The following FER1L6 variants were observed in gnomAD, a reference collection of about 807,000 sequenced individuals.
FER1L6 encodes the protein fer-1-like protein 6.
In FER1L6, 177 loss-of-function variants were observed where a neutral mutation model predicts 219.2. That is an observed-to-expected ratio of 0.81 (90% CI 0.71 to 0.91). The LOEUF (loss-of-function observed/expected upper bound fraction) is 0.91. Ranked by LOEUF, FER1L6 falls within the 40% of genes least tolerant of loss-of-function variation. The pLI, the probability that FER1L6 is intolerant of heterozygous loss-of-function variation, is 0.00. For synonymous variants in FER1L6, 768 were observed against 824.3 expected, an observed-to-expected ratio of 0.93 and a Z score of 1.17; for missense variants, 2,153 against 2,259.9, an observed-to-expected ratio of 0.95 and a Z score of 0.96.
In FER1L6 at chr8:124,023,711, G is replaced by A. The variant is rs1201523787; in HGVS notation, c.2286+115G>A. 3 of 1,104,820 alleles carry A rather than the reference G, an allele frequency of 2.7e-6. No homozygotes were observed. The African/African-American group carries it at 4.7e-5, about 17-fold the overall frequency. 68.4% of individuals were successfully genotyped at this position (1,104,820 alleles called of 1,614,324 possible). Reference sequence around the variant, plus strand: ...CATTCCCCAGTGCTTTCAAAGGTAGGAGGACAACTAGAACACCTTGGTGCC... The same window carrying A: ...CATTCCCCAGTGCTTTCAAAGGTAGAAGGACAACTAGAACACCTTGGTGCC... On this transcript the variant is annotated intron_variant, in intron 18 of 40. Coordinates refer to ENST00000522917, the MANE Select transcript of FER1L6 (RefSeq NM_001039112.2).
chr8:123,914,137 T>C (rs1813119550), intron 1 of FER1L6, among the ~76,000 whole-genome samples: 1 of 152,234 alleles, frequency 6.6e-6, no homozygotes, highest in African/African-American at 2.4e-5. Context: ...ATTTCAAATG[T>C]TCAGTAGTCA....
chr8:124,058,191 G>A (rs867967673), intron 22 of FER1L6, among the ~76,000 whole-genome samples: 3 of 152,166 alleles, frequency 2.0e-5, no homozygotes, highest in South Asian at 4.1e-4. Context: ...GATGGGCAGG[G>A]CTGGGACTAG....
rs570371355 is a variant in FER1L6 at position 123,932,140 on chromosome 8, G to A, written c.-7-23852G>A. ...ATTATTATTTTTGAGATGGAGTCTC[G>A]CTCTATAGCCCAGGCTGGAGTGCAG... On this transcript the variant is annotated intron_variant, in intron 1 of 40. Transcript: ENST00000522917. Among the ~76,000 whole-genome samples the A allele has an allele frequency of 2.6e-5, 4 of 152,032 alleles. No individual in the cohort carries two copies. The South Asian group carries it at 6.2e-4, about 24-fold the overall frequency.
intron 39 of FER1L6, among the ~76,000 whole-genome samples, chr8:124,115,103 A>G (rs1823188773): frequency 6.6e-6 from 1 of 151,472 alleles, no homozygotes; most frequent in Non-Finnish European, 1.5e-5. Context: ...TTCTGTAGGC[A>G]TGGTGCAGTT....
intron 33 of FER1L6, among the ~76,000 whole-genome samples, chr8:124,090,750 A>G (rs1397707307): frequency 1.3e-5 from 2 of 152,180 alleles, no homozygotes; most frequent in Non-Finnish European, 2.9e-5. Flanking sequence ...AGGAAAGAAT[A>G]GGTTGGGGAG....
At chr8:124,043,575 C>T (rs544996443) in intron 20 of FER1L6, among the ~76,000 whole-genome samples, 5 of 152,300 alleles carry the variant, frequency 3.3e-5, no homozygotes, top group Admixed American at 1.3e-4. Context: ...ATCCCTATTT[C>T]ACAGATAAAG....
intron 2 of FER1L6, among the ~76,000 whole-genome samples, chr8:123,962,368 A>G (rs1269536116): frequency 6.6e-6 from 1 of 152,164 alleles, no homozygotes; most frequent in Non-Finnish European, 1.5e-5. Context: ...GCTGCTAGAG[A>G]AAAAGAAAAA....
intron 32 of FER1L6, among the ~76,000 whole-genome samples, chr8:124,080,070 A>G (rs2130905515): frequency 6.6e-6 from 1 of 152,300 alleles, no homozygotes; most frequent in South Asian, 2.1e-4. Flanking sequence ...GTAGACACAT[A>G]ATAAATGCTG....
chr8:123,995,563 T>A (rs1299493213), intron 12 of FER1L6, among the ~76,000 whole-genome samples: 4 of 152,170 alleles, frequency 2.6e-5, no homozygotes, highest in Admixed American at 6.5e-5. Flanking sequence ...TCTTCTCTTT[T>A]TTTTTAGTCT....
At chr8:124,103,453 T>G in intron 39 of FER1L6, 144 bp downstream of exon 39, 1 of 739,310 alleles carries the variant, frequency 1.4e-6, no homozygotes, top group South Asian at 2.1e-5. Context: ...GAAGCAAGAA[T>G]TTTTAAAGCT....
intron 1 of FER1L6, among the ~76,000 whole-genome samples, chr8:123,878,976 G>T (rs1817059193): frequency 6.6e-6 from 1 of 152,186 alleles, no homozygotes; most frequent in South Asian, 2.1e-4. Context: ...ATTAGCAAAT[G>T]TTTAAGCACT....
At chr8:123,979,056 T>C (rs1586546413) in intron 10 of FER1L6, among the ~76,000 whole-genome samples, 1 of 152,182 alleles carries the variant, frequency 6.6e-6, no homozygotes, top group African/African-American at 2.4e-5. Flanking sequence ...TATTCTTATA[T>C]TTAAGTCTAC....
intron 1 of FER1L6, among the ~76,000 whole-genome samples, chr8:123,949,050 C>G (rs1366027984): frequency 6.6e-6 from 1 of 152,138 alleles, no homozygotes; most frequent in African/African-American, 2.4e-5. Flanking sequence ...GTCCTGGGTT[C>G]CTCTGTTTCC....
chr8:123,887,169 A>G (rs988002825), intron 1 of FER1L6, among the ~76,000 whole-genome samples: 1 of 152,160 alleles, frequency 6.6e-6, no homozygotes, highest in African/African-American at 2.4e-5. Context: ...TCCTAATTTT[A>G]GTTGGTTAGG....
chr8:123,854,342 C>T (rs1253442716), intron 1 of FER1L6, among the ~76,000 whole-genome samples: 2 of 152,160 alleles, frequency 1.3e-5, no homozygotes, highest in African/African-American at 4.8e-5. Context: ...ATCCAAGGCT[C>T]CTCCCACAGT....
chr8:123,974,235 A>T (rs1815949036), intron 7 of FER1L6, among the ~76,000 whole-genome samples: 4 of 152,162 alleles, frequency 2.6e-5, no homozygotes, highest in Non-Finnish European at 4.4e-5. Flanking sequence ...CCTGAGTGTG[A>T]GGCATAAAGG....
intron 1 of FER1L6, among the ~76,000 whole-genome samples, chr8:123,864,587 G>T (rs201754910): frequency 1.3e-5 from 2 of 149,594 alleles, no homozygotes; most frequent in East Asian, 1.9e-4. Context: ...TTCCAACTTG[G>T]TTCCATTCTC....
chr8:124,062,612 A>T (rs953322120), intron 25 of FER1L6, among the ~76,000 whole-genome samples: 1 of 152,144 alleles, frequency 6.6e-6, no homozygotes, highest in African/African-American at 2.4e-5. Flanking sequence ...CTGTGTGTAC[A>T]TTAGCCTGTT....
chr8:124,006,829 A>G (rs925549628), intron 13 of FER1L6, among the ~76,000 whole-genome samples: 1 of 152,152 alleles, frequency 6.6e-6, no homozygotes, highest in African/African-American at 2.4e-5. Context: ...AAGAAGCCAC[A>G]GCATCCTTGT....
Sources: gnomAD v4.1 joint callset for allele counts (sites outside exome capture counted in the v4.1 genomes callset) on GRCh38, gnomAD v4.1.1 for gene constraint, MANE v1.5 for transcripts, NCBI Gene and HGNC (gene_info 2026-07-23, HGNC 2026-07-21) for gene names.